Variants in CORO2B observed in about 807,000 individuals in gnomAD.
The protein encoded by CORO2B is coronin-2B.
Under a neutral mutation model 58.8 loss-of-function variants are expected in CORO2B, and 26 were observed. The ratio of observed to expected loss-of-function variants is 0.44; its 90% CI spans 0.32 to 0.61. The LOEUF (loss-of-function observed/expected upper bound fraction) is 0.61, where lower values mean the gene tolerates loss of function less well. CORO2B is among the 20% of genes least tolerant of loss of function. CORO2B has a pLI of 0.04. For synonymous variants in CORO2B, 242 were observed against 253.8 expected (o/e 0.95, Z 0.44); for missense variants, 460 against 645.1 (o/e 0.71, Z 3.11).
chr15:68,675,167 A>G (rs2140298350), intron 2 of CORO2B, among the ~76,000 whole-genome samples: 1 of 152,352 alleles, frequency 6.6e-6, no homozygotes, highest in African/African-American at 2.4e-5. Context: ...GAAGGCAGCC[A>G]TGATGGCGAA....
In CORO2B at chr15:68,713,742, G is replaced by T. The variant is rs567955438; in HGVS notation, c.649-183G>T. Among the ~76,000 whole-genome samples, 10 of 152,332 alleles carry T rather than the reference G, an allele frequency of 6.6e-5. No homozygotes were observed. In the East Asian group the frequency reaches 1.7e-3, roughly 26 times the overall value. On this transcript the variant is annotated intron_variant, in intron 5 of 11. Transcript: ENST00000261861. ...ATCCAGGATCCACCTGGATAATCCA[G>T]GGTAATCTCATCTCCAAATCCTTAG... is the stretch of plus-strand genomic sequence containing the variant.
At chr15:68,584,658 A>T (rs939300715) in intron 1 of CORO2B, among the ~76,000 whole-genome samples, 5 of 152,174 alleles carry the variant, frequency 3.3e-5, no homozygotes, top group Non-Finnish European at 7.4e-5. Flanking sequence ...CACAGAGCTT[A>T]TCTGGTGTCC....
At chr15:68,547,982 CCAACATGGT>C in the CORO2B span, among the ~76,000 whole-genome samples, 2 of 151,860 alleles carry the variant, frequency 1.3e-5, no homozygotes, top group Non-Finnish European at 2.9e-5. Context: ...ACCAACCTGG[CCAACATGGT>C]GAAACCCTGT....
chr15:68,618,474 A>G (rs1900428054), intron 1 of CORO2B, among the ~76,000 whole-genome samples: 1 of 152,244 alleles, frequency 6.6e-6, no homozygotes, highest in Non-Finnish European at 1.5e-5. Flanking sequence ...GTAAACAGGA[A>G]AAGGGGAAAG....
At chr15:68,610,696 G>T (rs1191484803) in intron 1 of CORO2B, among the ~76,000 whole-genome samples, 1 of 151,144 alleles carries the variant, frequency 6.6e-6, no homozygotes, top group Non-Finnish European at 1.5e-5. Flanking sequence ...TATTAAAATG[G>T]CTTCTCACCT....
In CORO2B at chr15:68,608,349, A is replaced by G. The variant is rs1323036983; in HGVS notation, c.15+29072A>G. On this transcript the variant is annotated intron_variant, in intron 1 of 11. Transcript: ENST00000261861. ...TTCCAGGCCTCCTGGGAGAAAAGCC[A>G]GCAAGGCAAGTTCTCCCTCCCCCAC... is the stretch of plus-strand genomic sequence containing the variant. Among the ~76,000 whole-genome samples, 7 of 152,324 alleles carry G rather than the reference A, an allele frequency of 4.6e-5. No individual in the cohort carries two copies. The East Asian group carries it at 1.2e-3, about 25-fold the overall frequency.
chr15:68,642,035 CTT>C lies in CORO2B; in HGVS notation c.16-3107_16-3106del, dbSNP rs33965107. Among the ~76,000 whole-genome samples, 6 of 115,936 alleles carry C rather than the reference CTT, an allele frequency of 5.2e-5. No individual in the cohort carries two copies. In the South Asian group the frequency reaches 1.2e-3, roughly 22 times the overall value. The allele number at this position is 115,936 out of a possible 152,430, so 76.1% of individuals were successfully genotyped here. ...TGACTCACCTAACCCGGCCTAGCCT[CTT>C]TTTTTTTTTTTTTTTTTGAGACAGA... On this transcript the variant is annotated intron_variant, in intron 1 of 11. Transcript: ENST00000261861.
chr15:68,619,909 G>GT lies in CORO2B; in HGVS notation c.16-25243dup, dbSNP rs1295382272. Among the ~76,000 whole-genome samples, 5 of 151,690 alleles carry GT rather than the reference G, an allele frequency of 3.3e-5. No homozygotes were observed. The South Asian group carries it at 6.3e-4, about 19-fold the overall frequency. ...TTATAGAAGATGAAAGTGGAGTCAT[G>GT]TTTTTTTTATTTTTTATTTTGAGAC... On this transcript the variant is annotated intron_variant, in intron 1 of 11. Coordinates refer to ENST00000261861, the MANE Select transcript of CORO2B (RefSeq NM_006091.5).
chr15:68,587,340 C>T (rs1320339722), intron 1 of CORO2B, among the ~76,000 whole-genome samples: 1 of 152,078 alleles, frequency 6.6e-6, no homozygotes, highest in Non-Finnish European at 1.5e-5. Context: ...GTGTCAACAC[C>T]CCTGGAGGCT....
At chr15:68,713,103 C>T (rs117426703) in intron 5 of CORO2B, among the ~76,000 whole-genome samples, 2,788 of 152,178 alleles carry the variant, frequency 0.018, 30 homozygotes, top group Non-Finnish European at 0.029. Context: ...TCAAGTGTCA[C>T]GAGCCAGTGG....
chr15:68,722,444 G>A (rs961359163), intron 11 of CORO2B, among the ~76,000 whole-genome samples: 1 of 152,202 alleles, frequency 6.6e-6, no homozygotes, highest in African/African-American at 2.4e-5. Flanking sequence ...TGATCTAAGT[G>A]TGAGGAAACA....
intron 11 of CORO2B, among the ~76,000 whole-genome samples, chr15:68,722,508 T>G (rs1893184903): frequency 1.3e-5 from 2 of 152,220 alleles, no homozygotes; most frequent in Non-Finnish European, 2.9e-5. Flanking sequence ...TCAGGAACTT[T>G]ACTAAAAATC....
intron 2 of CORO2B, among the ~76,000 whole-genome samples, chr15:68,661,680 T>G (rs1348553895): frequency 6.6e-6 from 1 of 152,186 alleles, no homozygotes; most frequent in East Asian, 1.9e-4. Flanking sequence ...AATGGCATAT[T>G]TTTCCAGAAC....
chr15:68,684,585 G>C (rs1384518376), intron 2 of CORO2B, among the ~76,000 whole-genome samples: 1 of 152,240 alleles, frequency 6.6e-6, no homozygotes, highest in Admixed American at 6.5e-5. Flanking sequence ...AGTGGAGCAG[G>C]CAGCACTTTG....
At chr15:68,565,727 C>A in the CORO2B span, among the ~76,000 whole-genome samples, 1 of 152,162 alleles carries the variant, frequency 6.6e-6, no homozygotes, top group African/African-American at 2.4e-5. Flanking sequence ...TGTCTATAGC[C>A]CTAAGGAACC....
chr15:68,525,114 T>G, the CORO2B span, among the ~76,000 whole-genome samples: 2 of 152,184 alleles, frequency 1.3e-5, no homozygotes, highest in African/African-American at 4.8e-5. Flanking sequence ...GACAGGCAGC[T>G]TAACCCTCCT....
chr15:68,715,143 G>A, intron 7 of CORO2B, 72 bp from the exon 8 acceptor site: 1 of 1,338,484 alleles, frequency 7.5e-7, no homozygotes, highest in South Asian at 1.2e-5. Flanking sequence ...TCTTCAGCTG[G>A]CTCCTGGGAC....
At chr15:68,642,184 C>G (rs533321605) in intron 1 of CORO2B, among the ~76,000 whole-genome samples, 2 of 152,032 alleles carry the variant, frequency 1.3e-5, no homozygotes, top group African/African-American at 4.8e-5. Context: ...TTACAGGTGC[C>G]TGCCACCATG....
At chr15:68,582,003 C>T (rs945569810) in intron 1 of CORO2B, among the ~76,000 whole-genome samples, 2 of 152,158 alleles carry the variant, frequency 1.3e-5, no homozygotes, top group African/African-American at 2.4e-5. Flanking sequence ...CTCAGAGAGG[C>T]CTGGCAAGTG....
Sources: allele counts gnomAD v4.1 joint callset (sites outside exome capture counted in the v4.1 genomes callset), GRCh38; gene constraint gnomAD v4.1.1; transcripts MANE v1.5; gene names NCBI Gene and HGNC (gene_info 2026-07-23, HGNC 2026-07-21).